SHROOM2: variants seen among roughly 807,000 people sequenced by gnomAD.
The protein encoded by SHROOM2 is protein Shroom2.
SHROOM2 carries 33 observed loss-of-function variants against 75.9 expected under a neutral mutation model. The observed-to-expected ratio is 0.43, with a 90% CI of 0.33 to 0.58. SHROOM2 has a LOEUF of 0.58. SHROOM2 is among the 20% of genes least tolerant of loss of function. SHROOM2 has a pLI of 0.04. For missense variants in SHROOM2, 1,434 were observed against 1,461.2 expected, an observed-to-expected ratio of 0.98 and a Z score of 0.30; for synonymous variants, 655 against 663.6, an observed-to-expected ratio of 0.99 and a Z score of 0.20.
chrX:9,915,592 G>A (rs1031385211), intron 5 of SHROOM2, among the ~76,000 whole-genome samples: 5 of 111,528 alleles, frequency 4.5e-5, no homozygotes, highest in Middle Eastern at 4.2e-3. Flanking sequence ...TCTAGCTGGC[G>A]GACCCTTAAA....
intron 2 of SHROOM2, among the ~76,000 whole-genome samples, chrX:9,889,430 A>T (rs957804687): frequency 1.8e-5 from 2 of 112,394 alleles, no homozygotes; most frequent in Admixed American, 9.4e-5. Flanking sequence ...TGATTGGGTT[A>T]TCAGCTGTCA....
chrX:9,890,911 G>A, intron 2 of SHROOM2, 66 bp from the exon 3 acceptor site: 1 of 1,117,147 alleles, frequency 9.0e-7, no homozygotes. Flanking sequence ...CCCCTGCACT[G>A]TTTGGCACGA....
At chrX:9,934,513 A>G (rs755492772) in intron 6 of SHROOM2, among the ~76,000 whole-genome samples, 1 of 110,843 alleles carries the variant, frequency 9.0e-6, no homozygotes, top group African/African-American at 3.3e-5. Context: ...AAAGTGTCTT[A>G]CTCCTTTCAG....
intron 2 of SHROOM2, among the ~76,000 whole-genome samples, chrX:9,874,370 A>C (rs1353287375): frequency 8.9e-6 from 1 of 112,257 alleles, no homozygotes; most frequent in Non-Finnish European, 1.9e-5. Flanking sequence ...GCAATACTCC[A>C]GGTACCACAA....
In SHROOM2 at chrX:9,932,156, G is replaced by T; in HGVS notation, c.2892-19G>T. 1.8e-6 allele frequency: 2 copies of T among 1,117,512 alleles called. No individual in the cohort carries two copies. The highest frequency in any genetic ancestry group is 4.5e-5 in the South Asian group (2 of 44,422). 92.1% of individuals were successfully genotyped at this position (1,117,512 alleles called of 1,213,427 possible). Reference sequence around the variant, plus strand: ...TATTATTGGAATCGTTGATTAATTTGTACTTGTTCTTCCTCTAGACAAGCA... The same window carrying T: ...TATTATTGGAATCGTTGATTAATTTTTACTTGTTCTTCCTCTAGACAAGCA... On this transcript the variant is annotated intron_variant, in intron 5 of 9. Coordinates refer to ENST00000380913, the MANE Select transcript of SHROOM2 (RefSeq NM_001649.4).
chrX:9,937,843 G>C (rs1027432933), intron 7 of SHROOM2, among the ~76,000 whole-genome samples, 158 bp downstream of exon 7: 1 of 112,180 alleles, frequency 8.9e-6, no homozygotes, highest in South Asian at 3.7e-4. Context: ...TGGCTTTTTT[G>C]TGAGCCTCCG....
intron 1 of SHROOM2, among the ~76,000 whole-genome samples, chrX:9,851,939 G>C (rs944123088): frequency 8.9e-6 from 1 of 112,260 alleles, no homozygotes; most frequent in East Asian, 2.8e-4. Context: ...TCTTCCCCAG[G>C]TGACTGAAGT....
chrX:9,905,032 G>A (rs1001247522), intron 5 of SHROOM2, among the ~76,000 whole-genome samples: 13 of 112,005 alleles, frequency 1.2e-4, no homozygotes, highest in African/African-American at 3.9e-4. Context: ...AACAAAAAAA[G>A]TTTTTGTAGA....
chrX:9,897,680 CA>C (rs56026461), intron 4 of SHROOM2, among the ~76,000 whole-genome samples: 57 of 70,577 alleles, frequency 8.1e-4, no homozygotes, highest in African/African-American at 3.0e-3. Flanking sequence ...GACCCTGTCT[CA>C]AAAAAAAAAA....
intron 5 of SHROOM2, among the ~76,000 whole-genome samples, chrX:9,909,929 GTCTC>G (rs778709802): frequency 3.2e-4 from 36 of 111,861 alleles, no homozygotes; most frequent in African/African-American, 1.2e-3. Flanking sequence ...ACAAATGGCT[GTCTC>G]TCTGCTGCGT....
At chrX:9,898,556 T>C (rs1346478105) in intron 5 of SHROOM2, among the ~76,000 whole-genome samples, 1 of 112,362 alleles carries the variant, frequency 8.9e-6, no homozygotes, top group Non-Finnish European at 1.9e-5. Context: ...AAATGGCTAC[T>C]GTGTTTTCCG....
Position 9,877,404 on chromosome X carries a change from G to A in SHROOM2, c.317+3601G>A, listed in dbSNP as rs1008150421. Reference sequence around the variant, plus strand: ...GTGCTGCCCAGGAGTCAGATCTGTCGGTTAGGTCAGGAGGAGAGGCTGAGG... The same window carrying A: ...GTGCTGCCCAGGAGTCAGATCTGTCAGTTAGGTCAGGAGGAGAGGCTGAGG... On this transcript the variant is annotated intron_variant, in intron 2 of 9. Transcript: ENST00000380913. Among the ~76,000 whole-genome samples, 5 of 111,369 alleles carry A rather than the reference G, an allele frequency of 4.5e-5. No individual in the cohort carries two copies. In the South Asian group the frequency reaches 1.9e-3, roughly 43 times the overall value.
At chrX:9,841,018 C>T (rs781092144) in intron 1 of SHROOM2, among the ~76,000 whole-genome samples, 50 of 111,831 alleles carry the variant, frequency 4.5e-4, no homozygotes, top group Non-Finnish European at 7.9e-4. Flanking sequence ...TGCAATGGCG[C>T]GATCTTGGCT....
intron 5 of SHROOM2, among the ~76,000 whole-genome samples, chrX:9,927,225 C>T (rs1290844924): frequency 9.2e-6 from 1 of 108,819 alleles, no homozygotes; most frequent in African/African-American, 3.3e-5. Context: ...TGGCATACAC[C>T]TGTGGTCCCA....
chrX:9,802,466 G>C (rs2083728704), intron 1 of SHROOM2, among the ~76,000 whole-genome samples: 1 of 111,974 alleles, frequency 8.9e-6, no homozygotes. Context: ...CAGAGGTTCT[G>C]AGACATTCAC....
chrX:9,874,535 T>A (rs1269115789), intron 2 of SHROOM2: 4 of 112,277 alleles, frequency 3.6e-5, no homozygotes, highest in African/African-American at 6.5e-5. Context: ...TGACCCACAT[T>A]TATTTCCATT....
chrX:9,914,237 C>T (rs1017774429), intron 5 of SHROOM2, among the ~76,000 whole-genome samples: 14 of 108,814 alleles, frequency 1.3e-4, no homozygotes, highest in Admixed American at 7.0e-4. Context: ...ATATAGGCTG[C>T]GGAAGGCTCT....
At chrX:9,887,966 T>A (rs1352303676) in intron 2 of SHROOM2, among the ~76,000 whole-genome samples, 2 of 113,378 alleles carry the variant, frequency 1.8e-5, no homozygotes, top group African/African-American at 6.4e-5. Context: ...GTGGCCAGAA[T>A]GACCAAGGAA....
intron 1 of SHROOM2, among the ~76,000 whole-genome samples, chrX:9,872,425 C>T (rs184486600): frequency 0.011 from 1,203 of 111,688 alleles, 23 homozygotes; most frequent in African/African-American, 0.037. Context: ...ATTAGCTGGA[C>T]GTGGTAGCGT....
Sources: gnomAD v4.1 joint callset for allele counts (sites outside exome capture counted in the v4.1 genomes callset) on GRCh38, gnomAD v4.1.1 for gene constraint, MANE v1.5 for transcripts, NCBI Gene and HGNC (gene_info 2026-07-23, HGNC 2026-07-21) for gene names.